The following DAB1 variants were observed in gnomAD, a reference collection of about 807,000 sequenced individuals.
DAB1 encodes DAB adaptor protein 1.
In DAB1, 15 loss-of-function variants were observed where a neutral mutation model predicts 64.6. That is an observed-to-expected ratio of 0.23 (90% CI 0.16 to 0.36). The LOEUF is 0.36. Among genes scored for constraint, DAB1 ranks in the 10% least tolerant of loss-of-function variants. DAB1 has a pLI of 1.00. For missense variants in DAB1, 596 were observed against 706.7 expected (o/e 0.84, Z 1.78); for synonymous variants, 235 against 251.9 (o/e 0.93, Z 0.64).
chr1:58,267,810 A>T (rs566015099), intron 4 of DAB1, among the ~76,000 whole-genome samples: 6 of 152,198 alleles, frequency 3.9e-5, no homozygotes, highest in African/African-American at 1.4e-4. Context: ...GCTTCCATGC[A>T]TTAATATCTA....
Position 57,414,721 on chromosome 1 carries a change from A to G in DAB1, c.-137+9209T>C, listed in dbSNP as rs761126285. On this transcript the variant is annotated intron_variant, in intron 1 of 14. Transcript: ENST00000371236. ...GGTAGCATATGATGAAAATTAATAT[A>G]TAGCTAGAAAATATAATTTTAAAGA... is the stretch of plus-strand genomic sequence containing the variant. Among the ~76,000 whole-genome samples the G allele has an allele frequency of 1.1e-3, 165 of 152,336 alleles. 2 individuals are homozygous for G. Among genetic ancestry groups the G allele is most frequent in the South Asian group, 1.9e-3 (9 of 4,830 alleles).
intron 4 of DAB1, among the ~76,000 whole-genome samples, chr1:58,239,687 C>T (rs932962207): frequency 4.6e-5 from 7 of 152,136 alleles, no homozygotes; most frequent in Admixed American, 2.0e-4. Flanking sequence ...TTGCAGGGGG[C>T]TGATTTTCCC....
intron 4 of DAB1, among the ~76,000 whole-genome samples, chr1:58,293,958 T>C (rs535991879): frequency 8.5e-5 from 13 of 152,216 alleles, no homozygotes; most frequent in Non-Finnish European, 1.8e-4. Flanking sequence ...TGACAGCACA[T>C]TTTGATGACA....
At chr1:57,485,755 C>T (rs1249396298) in intron 7 of DAB1, among the ~76,000 whole-genome samples, 1 of 152,190 alleles carries the variant, frequency 6.6e-6, no homozygotes, top group African/African-American at 2.4e-5. Context: ...CGTTTAAACA[C>T]TTAGCACTGG....
chr1:58,451,783 T>A (rs763139071), intron 3 of DAB1, among the ~76,000 whole-genome samples: 6 of 151,950 alleles, frequency 3.9e-5, no homozygotes, highest in Non-Finnish European at 8.8e-5. Flanking sequence ...AATGGAGCAA[T>A]AGAAAACAAA....
chr1:57,359,476 A>G (rs948997343), intron 1 of DAB1, among the ~76,000 whole-genome samples: 2 of 152,034 alleles, frequency 1.3e-5, no homozygotes, highest in South Asian at 2.1e-4. Flanking sequence ...GGCAACCCCT[A>G]TACACAGGTG....
At position 57,858,780 on chromosome 1, in the gene DAB1, A is replaced by T. The variant is rs953756557; in HGVS notation, n.87+25219T>A. Among the ~76,000 whole-genome samples the T allele has an allele frequency of 2.0e-5, 3 of 149,948 alleles. No homozygotes were observed. The South Asian group carries it at 6.5e-4, about 33-fold the overall frequency. On this transcript the variant is annotated intron_variant and non_coding_transcript_variant, in intron 1 of 1. Transcript: ENST00000477280. Reference sequence around the variant, plus strand: ...AGAAGTCAGTGAGACAATGGCCAAAAGGCATTCTAGATGGGCTGAGATTTT... The same window carrying T: ...AGAAGTCAGTGAGACAATGGCCAAATGGCATTCTAGATGGGCTGAGATTTT...
chr1:57,097,153 A>G (rs138263229), intron 4 of DAB1, among the ~76,000 whole-genome samples: 24 of 152,376 alleles, frequency 1.6e-4, no homozygotes, highest in African/African-American at 5.8e-4. Context: ...TAAAAGGAGT[A>G]AAGAATGAAT....
intron 3 of DAB1, among the ~76,000 whole-genome samples, chr1:58,431,393 A>G (rs991986113): frequency 6.6e-6 from 1 of 151,990 alleles, no homozygotes. Flanking sequence ...CCCCATCTCT[A>G]TGAAAAATAC....
chr1:58,266,257 T>A (rs890537216), intron 4 of DAB1, among the ~76,000 whole-genome samples: 6 of 152,134 alleles, frequency 3.9e-5, no homozygotes, highest in Admixed American at 3.9e-4. Context: ...TGTTTGAGTC[T>A]CTCCCTACAG....
At chr1:57,095,939 T>C (rs1021827381) in intron 4 of DAB1, among the ~76,000 whole-genome samples, 3 of 152,176 alleles carry the variant, frequency 2.0e-5, no homozygotes, top group Admixed American at 2.0e-4. Flanking sequence ...TCAAAATAAA[T>C]ATGGCAATGG....
chr1:58,180,683 A>G (rs1306686470), intron 4 of DAB1, among the ~76,000 whole-genome samples: 2 of 152,062 alleles, frequency 1.3e-5, no homozygotes, highest in African/African-American at 4.8e-5. Context: ...GCTTGGTTTC[A>G]TTCTTGTTCA....
intron 7 of DAB1, among the ~76,000 whole-genome samples, chr1:57,538,162 C>A (rs1644753691): frequency 6.6e-6 from 1 of 152,172 alleles, no homozygotes; most frequent in African/African-American, 2.4e-5. Flanking sequence ...AGGCTTATGG[C>A]TGAAAGAAGA....
chr1:57,779,424 C>T (rs556962331), intron 6 of DAB1, among the ~76,000 whole-genome samples: 1 of 152,126 alleles, frequency 6.6e-6, no homozygotes, highest in South Asian at 2.1e-4. Context: ...GCTGCAGAGG[C>T]CAAACTTAAG....
intron 3 of DAB1, among the ~76,000 whole-genome samples, chr1:58,459,611 G>A (rs1645223527): frequency 1.3e-5 from 2 of 152,232 alleles, no homozygotes; most frequent in Admixed American, 6.5e-5. Context: ...GAGAGAGAAG[G>A]AGCATCCAGT....
chr1:58,352,078 C>G (rs1644064062), intron 3 of DAB1, among the ~76,000 whole-genome samples: 1 of 151,840 alleles, frequency 6.6e-6, no homozygotes, highest in African/African-American at 2.4e-5. Flanking sequence ...AATCCATCAG[C>G]TTGAAGGCCT....
At chr1:57,984,260 G>GAAAAAAAA (rs869201141) in intron 5 of DAB1, among the ~76,000 whole-genome samples, 1 of 134,068 alleles carries the variant, frequency 7.5e-6, no homozygotes, top group African/African-American at 2.8e-5. Flanking sequence ...AAGAAAGAAA[G>GAAAAAAAA]AAAAAAAATT....
intron 7 of DAB1, among the ~76,000 whole-genome samples, chr1:57,528,060 CA>C (rs537650166): frequency 0.017 from 2,547 of 151,922 alleles, 29 homozygotes; most frequent in Non-Finnish European, 0.029. Flanking sequence ...TTAGAGATGA[CA>C]AAAAAATGAG....
intron 4 of DAB1, among the ~76,000 whole-genome samples, chr1:58,246,123 ATTG>A (rs1420248739): frequency 6.4e-4 from 4 of 6,256 alleles, no homozygotes; most frequent in Admixed American, 2.6e-3. Flanking sequence ...TTGTATCAGA[ATTG>A]TTAACAAAAA....
Sources: allele counts gnomAD v4.1 joint callset (sites outside exome capture counted in the v4.1 genomes callset), GRCh38; gene constraint gnomAD v4.1.1; transcripts MANE v1.5; gene names NCBI Gene and HGNC (gene_info 2026-07-23, HGNC 2026-07-21).